Variants in UBE2H observed in about 807,000 individuals in gnomAD.
UBE2H encodes the protein ubiquitin-conjugating enzyme E2 H.
Under a neutral mutation model 29.0 loss-of-function variants are expected in UBE2H, and 3 were observed. The observed-to-expected ratio is 0.10, with a 90% CI of 0.05 to 0.27. The LOEUF is 0.27. Among genes scored for constraint, UBE2H ranks in the 10% least tolerant of loss-of-function variants. UBE2H has a pLI of 1.00. For synonymous variants in UBE2H, 69 were observed against 82.9 expected, an observed-to-expected ratio of 0.83 and a Z score of 0.91; for missense variants, 68 against 228.2, an observed-to-expected ratio of 0.30 and a Z score of 4.52.
intron 1 of UBE2H, among the ~76,000 whole-genome samples, chr7:129,900,084 C>T (rs962529449): frequency 6.6e-6 from 1 of 150,970 alleles, no homozygotes; most frequent in African/African-American, 2.4e-5. Flanking sequence ...GACCCGAGAT[C>T]ACATCACTGC....
At chr7:129,847,903 A>G (rs936573368) in intron 5 of UBE2H, among the ~76,000 whole-genome samples, 2 of 152,172 alleles carry the variant, frequency 1.3e-5, no homozygotes, top group African/African-American at 4.8e-5. Flanking sequence ...GTACTCACTC[A>G]GTTTCCCAGA....
intron 1 of UBE2H, among the ~76,000 whole-genome samples, chr7:129,926,698 C>T (rs1807277159): frequency 6.6e-6 from 1 of 152,064 alleles, no homozygotes. Context: ...ACCCTGCCAA[C>T]CATGATTGGA....
At chr7:129,938,481 G>A (rs569376360) in intron 1 of UBE2H, among the ~76,000 whole-genome samples, 13 of 140,410 alleles carry the variant, frequency 9.3e-5, no homozygotes, top group Admixed American at 2.9e-4. Flanking sequence ...TTGAAAGGCC[G>A]AGGCGGGTGG....
Position 129,832,474 on chromosome 7 carries a change from A to T in UBE2H, c.*2463T>A, listed in dbSNP as rs1179888320. On this transcript the variant is annotated 3_prime_UTR_variant, in exon 7 of 7. Coordinates refer to ENST00000355621, the MANE Select transcript of UBE2H (RefSeq NM_003344.4). The stretch of plus-strand genomic sequence containing the variant: ...TGGACACACACACACTCTCGCTCAC[A>T]CTCTCACACATGTGCACACATACAC... The T allele has an allele frequency of 8.1e-6, 1 of 123,162 alleles. No individual in the cohort carries two copies. The highest frequency in any genetic ancestry group is 1.7e-5 in the Non-Finnish European group (1 of 59,442). 7.6% of individuals were successfully genotyped at this position (123,162 alleles called of 1,614,324 possible). A position where few individuals can be genotyped will look rare whatever the true frequency, so the allele number is the denominator to read the frequency against.
At chr7:129,927,028 C>T (rs1807283792) in intron 1 of UBE2H, among the ~76,000 whole-genome samples, 1 of 152,280 alleles carries the variant, frequency 6.6e-6, no homozygotes, top group South Asian at 2.1e-4. Flanking sequence ...CTGCTTCCAC[C>T]AGGAAGCCTT....
intron 1 of UBE2H, among the ~76,000 whole-genome samples, chr7:129,904,726 C>T (rs746003049): frequency 2.0e-5 from 3 of 152,100 alleles, no homozygotes; most frequent in Non-Finnish European, 2.9e-5. Flanking sequence ...CCAGGCACTA[C>T]GCTAGACAGT....
At chr7:129,919,753 A>G (rs1807119940) in intron 1 of UBE2H, among the ~76,000 whole-genome samples, 1 of 152,228 alleles carries the variant, frequency 6.6e-6, no homozygotes, top group Non-Finnish European at 1.5e-5. Flanking sequence ...TAGGAAAGCC[A>G]TGTCTCACCT....
intron 3 of UBE2H, among the ~76,000 whole-genome samples, chr7:129,870,337 C>G (rs1360949006): frequency 6.6e-6 from 1 of 152,180 alleles, no homozygotes; most frequent in Non-Finnish European, 1.5e-5. Context: ...AAAAACAGGC[C>G]AGGCATGGTG....
intron 3 of UBE2H, among the ~76,000 whole-genome samples, chr7:129,875,570 T>TA (rs1429313781): frequency 6.6e-6 from 1 of 152,266 alleles, no homozygotes; most frequent in Non-Finnish European, 1.5e-5. Context: ...GGCTGTATCA[T>TA]AATACCTTTT....
intron 5 of UBE2H, among the ~76,000 whole-genome samples, chr7:129,855,633 T>G (rs1563023476): frequency 1.3e-5 from 2 of 151,870 alleles, no homozygotes; most frequent in Admixed American, 6.6e-5. Flanking sequence ...TGCGTGTGTA[T>G]AGAGAGAGAG....
chr7:129,948,944 T>A (rs775019931), intron 1 of UBE2H: 10 of 454,330 alleles, frequency 2.2e-5, no homozygotes, highest in South Asian at 1.3e-4. Flanking sequence ...ATAAACACAC[T>A]CTCTTGTCAC....
chr7:129,868,442 C>T (rs1229837769), intron 3 of UBE2H, among the ~76,000 whole-genome samples: 1 of 149,598 alleles, frequency 6.7e-6, no homozygotes, highest in South Asian at 2.1e-4. Flanking sequence ...TAGCCAGGCG[C>T]GGTGGCGGGC....
intron 1 of UBE2H, among the ~76,000 whole-genome samples, chr7:129,920,848 C>CAAAAAAAAAAAAAAAAAAAAAGA (rs1807145435): frequency 2.7e-5 from 2 of 73,994 alleles, no homozygotes; most frequent in Non-Finnish European, 5.1e-5. Context: ...TAGAAAAAGT[C>CAAAAAAAAAAAAAAAAAAAAAGA]AAAAAAAAAA....
At chr7:129,864,848 G>A (rs532185422) in intron 3 of UBE2H, among the ~76,000 whole-genome samples, 116 of 152,028 alleles carry the variant, frequency 7.6e-4, no homozygotes, top group African/African-American at 2.4e-3. Context: ...CACCGTGCCC[G>A]GCCACTACCA....
intron 1 of UBE2H, among the ~76,000 whole-genome samples, chr7:129,950,629 A>C (rs548606115): frequency 6.6e-6 from 1 of 152,282 alleles, no homozygotes; most frequent in South Asian, 2.1e-4. Context: ...AAACAGCTGG[A>C]ATTGTCTCCC....
chr7:129,902,344 C>CA (rs918879765), intron 1 of UBE2H, among the ~76,000 whole-genome samples: 3 of 152,054 alleles, frequency 2.0e-5, no homozygotes, highest in Non-Finnish European at 4.4e-5. Context: ...ACTAAAAATA[C>CA]AAAAAAATTA....
chr7:129,855,165 GAATTAT>G (rs772985541), intron 5 of UBE2H, among the ~76,000 whole-genome samples: 14 of 152,182 alleles, frequency 9.2e-5, no homozygotes, highest in Non-Finnish European at 1.6e-4. Context: ...GCATGTCTGT[GAATTAT>G]AATTCAGTGA....
chr7:129,929,624 T>TA (rs1369540402), intron 1 of UBE2H, among the ~76,000 whole-genome samples: 1 of 152,156 alleles, frequency 6.6e-6, no homozygotes, highest in Non-Finnish European at 1.5e-5. Context: ...TAAAAACACT[T>TA]ACCATCTTCA....
intron 1 of UBE2H, among the ~76,000 whole-genome samples, chr7:129,947,791 C>T (rs954417565): frequency 1.2e-4 from 19 of 152,110 alleles, no homozygotes; most frequent in Non-Finnish European, 2.2e-4. Flanking sequence ...ACCACCCATA[C>T]TGAATTTTTC....
Sources: allele counts gnomAD v4.1 joint callset (sites outside exome capture counted in the v4.1 genomes callset), GRCh38; gene constraint gnomAD v4.1.1; transcripts MANE v1.5; gene names NCBI Gene and HGNC (gene_info 2026-07-23, HGNC 2026-07-21).